WDR72: variants seen among roughly 807,000 people sequenced by gnomAD.
WDR72 encodes WD repeat domain 72.
A neutral mutation model predicts 124.2 loss-of-function variants in WDR72; 120 were observed. That is an observed-to-expected ratio of 0.97 (90% CI 0.83 to 1.12). The LOEUF (loss-of-function observed/expected upper bound fraction) is 1.12. WDR72 is among the 50% of genes most tolerant of loss of function. The probability of loss-of-function intolerance (pLI) is 0.00; values close to 1 mark genes in which losing one functional copy is unlikely to be tolerated. For missense variants in WDR72, 1,387 were observed against 1,278.8 expected, an observed-to-expected ratio of 1.08 and a Z score of -1.29; for synonymous variants, 452 against 441.7, an observed-to-expected ratio of 1.02 and a Z score of -0.29.
chr15:53,526,215 T>C (rs1892105862), intron 18 of WDR72, among the ~76,000 whole-genome samples: 1 of 152,026 alleles, frequency 6.6e-6, no homozygotes, highest in Non-Finnish European at 1.5e-5. Flanking sequence ...TGATGAAAAG[T>C]AACTAGTAGG....
intron 14 of WDR72, among the ~76,000 whole-genome samples, chr15:53,621,903 C>T (rs2014010425): frequency 6.6e-6 from 1 of 151,972 alleles, no homozygotes; most frequent in Admixed American, 6.6e-5. Context: ...CCAGAATCTA[C>T]AAGGAACTTA....
chr15:53,541,368 C>A (rs1294352848), intron 18 of WDR72, among the ~76,000 whole-genome samples: 1 of 152,036 alleles, frequency 6.6e-6, no homozygotes, highest in Non-Finnish European at 1.5e-5. Context: ...GGGAGGCACC[C>A]CCCAGCAGGG....
intron 1 of WDR72, among the ~76,000 whole-genome samples, chr15:53,752,980 C>T (rs1348748465): frequency 6.6e-6 from 1 of 152,068 alleles, no homozygotes; most frequent in East Asian, 1.9e-4. Flanking sequence ...AATTCACAAC[C>T]TATAAGTCAA....
At chr15:53,572,635 T>G (rs1894585068) in intron 18 of WDR72, among the ~76,000 whole-genome samples, 1 of 152,192 alleles carries the variant, frequency 6.6e-6, no homozygotes, top group South Asian at 2.1e-4. Flanking sequence ...AATGGGATCC[T>G]TGATGCAAGA....
chr15:53,677,396 G>T (rs1216630660), intron 13 of WDR72, among the ~76,000 whole-genome samples: 1 of 152,086 alleles, frequency 6.6e-6, no homozygotes, highest in Admixed American at 6.5e-5. Context: ...ACAATCATAT[G>T]CCACATCAAA....
In WDR72 at chr15:53,685,326, G is replaced by GA. The variant is rs560824940; in HGVS notation, c.1765+14423dup. Among the ~76,000 whole-genome samples, 575 of 131,046 alleles carry GA rather than the reference G, an allele frequency of 4.4e-3. 4 individuals carry two copies. The highest frequency in any genetic ancestry group is 0.016 in the African/African-American group (557 of 33,910). The allele number at this position is 131,046 out of a possible 152,430, so 86.0% of individuals were successfully genotyped here. A position where few individuals can be genotyped will look rare whatever the true frequency, so the allele number is the denominator to read the frequency against. On this transcript the variant is annotated intron_variant, in intron 13 of 19. Coordinates refer to ENST00000360509, the MANE Select transcript of WDR72 (RefSeq NM_182758.4). ...TGAAAACTTTGAAAAAAATTTAGAA[G>GA]AATGTATAACTAGAATAACCAATAC...
chr15:53,746,706 C>A (rs1013878632), intron 1 of WDR72, among the ~76,000 whole-genome samples: 8 of 151,950 alleles, frequency 5.3e-5, no homozygotes, highest in Admixed American at 5.2e-4. Context: ...AGAAAACATA[C>A]CTTGGTCATC....
At chr15:53,737,358 G>A (rs1284842124) in intron 1 of WDR72, among the ~76,000 whole-genome samples, 1 of 152,086 alleles carries the variant, frequency 6.6e-6, no homozygotes, top group Admixed American at 6.6e-5. Flanking sequence ...TGAATAAATG[G>A]ATTAAACTTG....
intron 1 of WDR72, among the ~76,000 whole-genome samples, chr15:53,754,843 C>A (rs1169345704): frequency 6.6e-6 from 1 of 152,162 alleles, no homozygotes; most frequent in Non-Finnish European, 1.5e-5. Flanking sequence ...TCTCAGCCTG[C>A]CACTCAGAAA....
At chr15:53,698,370 A>G (rs956524891) in intron 13 of WDR72, among the ~76,000 whole-genome samples, 3 of 152,208 alleles carry the variant, frequency 2.0e-5, no homozygotes, top group African/African-American at 7.2e-5. Context: ...ATTAATAAGC[A>G]TATGTGATTT....
At chr15:53,537,540 C>G (rs541227068) in intron 18 of WDR72, among the ~76,000 whole-genome samples, 1 of 152,246 alleles carries the variant, frequency 6.6e-6, no homozygotes, top group Non-Finnish European at 1.5e-5. Flanking sequence ...TGTTACTTTA[C>G]CTTTCTGTCT....
chr15:53,682,296 G>C (rs1051582104), intron 13 of WDR72, among the ~76,000 whole-genome samples: 4 of 151,520 alleles, frequency 2.6e-5, no homozygotes, highest in Admixed American at 2.6e-4. Flanking sequence ...TAAAGACGAC[G>C]ACTGTGGTGG....
At chr15:53,703,574 G>C (rs1242658617) in intron 11 of WDR72, among the ~76,000 whole-genome samples, 2 of 151,824 alleles carry the variant, frequency 1.3e-5, no homozygotes, top group African/African-American at 2.4e-5. Flanking sequence ...GAATAAATAA[G>C]ATAATGTCTA....
intron 18 of WDR72, among the ~76,000 whole-genome samples, chr15:53,561,884 C>T (rs1333595292): frequency 5.3e-5 from 8 of 151,748 alleles, no homozygotes; most frequent in Non-Finnish European, 1.0e-4. Flanking sequence ...GAGATGGGAC[C>T]ACCACTGTAA....
chr15:53,677,860 CTAAT>C (rs2016230533), intron 13 of WDR72, among the ~76,000 whole-genome samples: 1 of 152,182 alleles, frequency 6.6e-6, no homozygotes, highest in Non-Finnish European at 1.5e-5. Flanking sequence ...TTATCTACCA[CTAAT>C]TGAGTATTTT....
chr15:53,524,732 C>T (rs965663594), intron 18 of WDR72, among the ~76,000 whole-genome samples: 11 of 152,090 alleles, frequency 7.2e-5, no homozygotes, highest in African/African-American at 1.9e-4. Context: ...GAATTTACTA[C>T]GTTTCTAAAA....
chr15:53,754,744 A>G (rs1267256973), intron 1 of WDR72, among the ~76,000 whole-genome samples: 1 of 152,224 alleles, frequency 6.6e-6, no homozygotes, highest in African/African-American at 2.4e-5. Flanking sequence ...ATTCACCACA[A>G]TCAGAGAGAG....
chr15:53,635,819 C>T (rs2140402436), intron 14 of WDR72, among the ~76,000 whole-genome samples: 1 of 152,080 alleles, frequency 6.6e-6, no homozygotes, highest in Non-Finnish European at 1.5e-5. Context: ...CAAACCTGTG[C>T]GTGTACCCCC....
At chr15:53,653,358 T>C (rs182429108) in intron 14 of WDR72, among the ~76,000 whole-genome samples, 182 of 152,230 alleles carry the variant, frequency 1.2e-3, no homozygotes, top group African/African-American at 4.2e-3. Flanking sequence ...GTAGAGAAGA[T>C]ACAAAATGAA....
Sources: gnomAD v4.1 joint callset for allele counts (sites outside exome capture counted in the v4.1 genomes callset) on GRCh38, gnomAD v4.1.1 for gene constraint, MANE v1.5 for transcripts, NCBI Gene and HGNC (gene_info 2026-07-23, HGNC 2026-07-21) for gene names.